The following OPCML variants were observed in gnomAD, a reference collection of about 807,000 sequenced individuals.
OPCML encodes opioid-binding protein/cell adhesion molecule.
In OPCML, 13 loss-of-function variants were observed where a neutral mutation model predicts 37.8. That is an observed-to-expected ratio of 0.34 (90% CI 0.22 to 0.55). The LOEUF is 0.55. Among genes scored for constraint, OPCML ranks in the 20% least tolerant of loss-of-function variants. The pLI is 0.91. For missense variants in OPCML, 341 were observed against 435.6 expected (o/e 0.78, Z 1.93); for synonymous variants, 176 against 168.8 (o/e 1.04, Z -0.33).
rs1278678462 is a variant in OPCML at position 133,014,742 on chromosome 11, C to T, written c.62-71732G>A. 1.2e-4 allele frequency among the ~76,000 whole-genome samples: 18 copies of T among 152,220 alleles called. 1 individual carries two copies. Among genetic ancestry groups the T allele is most frequent in the Admixed American group, 1.2e-3 (18 of 15,278 alleles). On this transcript the variant is annotated intron_variant, in intron 1 of 7. Transcript: ENST00000524381. ...GCAGAAGGAGAGAGAAAGAAGTAAA[C>T]AGTTTTAATCTGAACTGAACACAAA...
intron 3 of OPCML, among the ~76,000 whole-genome samples, chr11:132,539,680 TG>T (rs771880761): frequency 6.6e-6 from 1 of 152,022 alleles, no homozygotes; most frequent in Non-Finnish European, 1.5e-5. Context: ...ATTATGGTGA[TG>T]GTGGTAATGG....
intron 1 of OPCML, among the ~76,000 whole-genome samples, chr11:133,140,727 C>CGGAA (rs5795824): frequency 0.86 from 91,672 of 107,026 alleles, 39,939 homozygotes; most frequent in Non-Finnish European, 0.93. Context: ...AGACGGAAGA[C>CGGAA]GACGACGACG....
In OPCML at chr11:133,452,972, G is replaced by A. The variant is rs76546780; in HGVS notation, c.61+79292C>T. On this transcript the variant is annotated intron_variant, in intron 1 of 7. Transcript: ENST00000524381. ...GTATACTATCTTCAGCAACTTGTCT[G>A]TAGATTAATGAAACATAGTTTCAGG... is the stretch of plus-strand genomic sequence containing the variant. Among the ~76,000 whole-genome samples, 115 of 152,260 alleles carry A rather than the reference G, an allele frequency of 7.6e-4. No individual in the cohort carries two copies. In the East Asian group the frequency reaches 0.019, roughly 26 times the overall value.
chr11:133,326,994 G>A (rs1186258759), intron 1 of OPCML, among the ~76,000 whole-genome samples: 1 of 144,352 alleles, frequency 6.9e-6, no homozygotes, highest in African/African-American at 2.6e-5. Context: ...TGTGGGTGAG[G>A]GGGTGTGGGT....
intron 1 of OPCML, among the ~76,000 whole-genome samples, chr11:133,373,577 A>ATCAC (rs1474243709): frequency 6.6e-6 from 1 of 150,974 alleles, no homozygotes; most frequent in African/African-American, 2.4e-5. Flanking sequence ...GTGAGCTGTG[A>ATCAC]TCACGCCACT....
In OPCML at chr11:132,415,738, T is replaced by C. The variant is rs897195923; in HGVS notation, c.*4455A>G. The C allele has an allele frequency of 1.2e-4, 19 of 152,772 alleles. No individual in the cohort carries two copies. Among genetic ancestry groups the C allele is most frequent in the African/African-American group, 4.1e-4 (17 of 41,586 alleles). 9.5% of individuals were successfully genotyped at this position (152,772 alleles called of 1,614,324 possible). On this transcript the variant is annotated 3_prime_UTR_variant, in exon 8 of 8. Coordinates refer to ENST00000524381, the MANE Select transcript of OPCML (RefSeq NM_001012393.5). ...TCCACATTTCTTTGGACTCTAAGTA[T>C]TCTGCACCTGAAGGCTAAATTGAAC...
At chr11:132,921,999 C>T (rs552981064) in intron 2 of OPCML, among the ~76,000 whole-genome samples, 4 of 152,168 alleles carry the variant, frequency 2.6e-5, no homozygotes, top group African/African-American at 7.2e-5. Context: ...CCTGCCTCAG[C>T]CTCCTGAGTA....
chr11:132,645,784 C>T (rs1014501517), intron 3 of OPCML, among the ~76,000 whole-genome samples: 1 of 152,214 alleles, frequency 6.6e-6, no homozygotes, highest in Admixed American at 6.5e-5. Context: ...AAACTAAAGA[C>T]TTGGCTTTTC....
intron 1 of OPCML, among the ~76,000 whole-genome samples, chr11:133,193,211 C>A (rs1211380270): frequency 6.6e-6 from 1 of 152,102 alleles, no homozygotes; most frequent in African/African-American, 2.4e-5. Context: ...CTGTACATTC[C>A]TGGTTACAAT....
chr11:132,532,483 G>A (rs1160227674), intron 3 of OPCML, among the ~76,000 whole-genome samples: 1 of 152,180 alleles, frequency 6.6e-6, no homozygotes, highest in Non-Finnish European at 1.5e-5. Context: ...CAAATGGTGA[G>A]ATAAATAGAA....
chr11:133,032,590 A>G (rs1457560062), intron 1 of OPCML, among the ~76,000 whole-genome samples: 2 of 152,192 alleles, frequency 1.3e-5, no homozygotes, highest in Non-Finnish European at 2.9e-5. Flanking sequence ...ATGGCAAAAG[A>G]GTTCATTTAA....
At chr11:132,422,886 G>A (rs2095964785) in intron 7 of OPCML, among the ~76,000 whole-genome samples, 1 of 152,318 alleles carries the variant, frequency 6.6e-6, no homozygotes, top group East Asian at 1.9e-4. Flanking sequence ...ACAATGGACT[G>A]GGAATGCAGT....
In OPCML at chr11:132,500,588, C is replaced by A. The variant is rs571556370; in HGVS notation, c.505+28473G>T. Reference sequence around the variant, plus strand: ...TATTTATTTTGTTTTACTTTAAGTTCTGGGATACACGTGCAGAAGGTGCAG... The same window carrying A: ...TATTTATTTTGTTTTACTTTAAGTTATGGGATACACGTGCAGAAGGTGCAG... On this transcript the variant is annotated intron_variant, in intron 4 of 7. Transcript: ENST00000524381. Among the ~76,000 whole-genome samples, 4 of 152,238 alleles carry A rather than the reference C, an allele frequency of 2.6e-5. No individual in the cohort carries two copies. In the East Asian group the frequency reaches 7.7e-4, roughly 29 times the overall value.
At chr11:133,470,545 G>C (rs1358744879) in intron 1 of OPCML, among the ~76,000 whole-genome samples, 1 of 152,182 alleles carries the variant, frequency 6.6e-6, no homozygotes, top group Admixed American at 6.5e-5. Context: ...AGCTGGCAAA[G>C]TGTGATGTCC....
intron 2 of OPCML, among the ~76,000 whole-genome samples, chr11:132,796,562 T>C (rs1938320411): frequency 7.1e-6 from 1 of 141,410 alleles, no homozygotes. Context: ...ACTTTTCTTC[T>C]TTCTTTTTTT....
chr11:133,379,786 C>G (rs755526213), intron 1 of OPCML, among the ~76,000 whole-genome samples: 1 of 152,114 alleles, frequency 6.6e-6, no homozygotes, highest in African/African-American at 2.4e-5. Context: ...TTGGAAGATC[C>G]ACAGTGTACA....
chr11:133,405,099 G>A (rs985201369), intron 1 of OPCML, among the ~76,000 whole-genome samples: 1 of 152,100 alleles, frequency 6.6e-6, no homozygotes, highest in Non-Finnish European at 1.5e-5. Context: ...TCAGTAAAAG[G>A]GATTATTAAG....
intron 2 of OPCML, among the ~76,000 whole-genome samples, chr11:132,921,792 G>A (rs778269247): frequency 6.6e-6 from 1 of 152,186 alleles, no homozygotes; most frequent in Non-Finnish European, 1.5e-5. Flanking sequence ...AAAAGGTGCT[G>A]ATGTCAGCAC....
intron 4 of OPCML, among the ~76,000 whole-genome samples, chr11:132,440,641 C>T (rs10431099): frequency 0.28 from 43,000 of 152,138 alleles, 6,219 homozygotes; most frequent in Non-Finnish European, 0.31. Flanking sequence ...GCTGGCTACA[C>T]TGAGGCTGAG....
Sources: gnomAD v4.1 joint callset for allele counts (sites outside exome capture counted in the v4.1 genomes callset) on GRCh38, gnomAD v4.1.1 for gene constraint, MANE v1.5 for transcripts, NCBI Gene and HGNC (gene_info 2026-07-23, HGNC 2026-07-21) for gene names.